The following ODAD4 variants were observed in gnomAD, a reference collection of about 807,000 sequenced individuals.
ODAD4 encodes the protein outer dynein arm-docking complex subunit 4.
In ODAD4, 49 loss-of-function variants were observed where a neutral mutation model predicts 51.8. That is an observed-to-expected ratio of 0.95 (90% confidence interval 0.75 to 1.20). ODAD4 has a LOEUF of 1.20. ODAD4 is among the 50% of genes most tolerant of loss of function. The pLI is 0.00. For missense variants in ODAD4, 590 were observed against 586.5 expected (o/e 1.01, Z -0.06); for synonymous variants, 235 against 221.3 (o/e 1.06, Z -0.55).
At chr17:41,934,842 T>C (rs1261528261) in intron 1 of ODAD4, among the ~76,000 whole-genome samples, 1 of 152,188 alleles carries the variant, frequency 6.6e-6, no homozygotes, top group Non-Finnish European at 1.5e-5. Context: ...TTGAGTTTGG[T>C]GTGCACAAAA....
At position 41,935,663 on chromosome 17, in the gene ODAD4, A is replaced by G. The variant is rs782453829; in HGVS notation, c.311A>G (p.Tyr104Cys). The change falls in exon 3 of 12, where the codon TAT becomes TGT. Residue 104 changes from tyrosine to cysteine, a missense_variant. By Grantham distance (194) the Tyr-to-Cys change is radical. This residue lies in a region of ODAD4 where 360 missense variants were observed against 407.5 expected (regional missense o/e 0.88). Transcript: ENST00000377540. ...MGDFEFALVF[Y>C]HRGYKLRPDR... ...GACTTTGAGTTTGCCTTGGTATTCT[A>G]TCATCGAGGCTACAAGCTGAGGCCT... The G allele has an allele frequency of 1.7e-5, 28 of 1,613,596 alleles. No homozygotes were observed. The South Asian group carries it at 2.3e-4, about 13-fold the overall frequency.
intron 7 of ODAD4, among the ~76,000 whole-genome samples, chr17:41,939,407 A>G (rs2050476290): frequency 6.6e-6 from 1 of 152,208 alleles, no homozygotes; most frequent in East Asian, 1.9e-4. Flanking sequence ...AAAGCTACCC[A>G]ATGATCTGGC....
intron 7 of ODAD4, among the ~76,000 whole-genome samples, chr17:41,941,219 C>G (rs893622094): frequency 1.3e-5 from 2 of 152,206 alleles, no homozygotes; most frequent in Non-Finnish European, 2.9e-5. Flanking sequence ...TTCAGCTGTC[C>G]TTTCTCTGAA....
chr17:41,943,466 T>A (rs1555638980), intron 7 of ODAD4, among the ~76,000 whole-genome samples: 10 of 152,184 alleles, frequency 6.6e-5, no homozygotes. Context: ...GGTGGGATTA[T>A]CATTAGTTCT....
intron 9 of ODAD4, among the ~76,000 whole-genome samples, chr17:41,952,836 T>C (rs1194686580): frequency 2.0e-5 from 3 of 151,970 alleles, no homozygotes; most frequent in African/African-American, 7.3e-5. Context: ...CCTCCCAGGC[T>C]CCGGTGATTC....
rs367854624 is a variant in ODAD4, at chr17:41,965,493, T to A, written c.*10T>A. The A allele has an allele frequency of 2.6e-6, 2 of 757,654 alleles. No homozygotes were observed. Among genetic ancestry groups the A allele is most frequent in the Non-Finnish European group, 4.9e-6 (2 of 411,692 alleles). 46.9% of individuals were successfully genotyped at this position (757,654 alleles called of 1,614,324 possible). A position where few individuals can be genotyped will look rare whatever the true frequency, so the allele number is the denominator to read the frequency against. ...AAAGGAATATGAATGAAGCCATCGGTAGAGATGAGGATCAGGAAGCTGGTG... is the reference window on the plus strand; with the variant it reads ...AAAGGAATATGAATGAAGCCATCGGAAGAGATGAGGATCAGGAAGCTGGTG... On this transcript the variant is annotated 3_prime_UTR_variant, in exon 12 of 12. Transcript: ENST00000377540.
chr17:41,938,945 G>T lies in ODAD4; in HGVS notation c.851-20G>T. On this transcript the variant is annotated intron_variant, in intron 6 of 11. Transcript: ENST00000377540. ...AGAGGAGGCTGCCCTGGCCTCCACA[G>T]CACCCCTTTCCTTTCTCAGTGCTCA... The T allele has an allele frequency of 6.2e-7, 1 of 1,603,094 alleles. No individual in the cohort carries two copies.
At chr17:41,942,838 G>A (rs1349002289) in intron 7 of ODAD4, among the ~76,000 whole-genome samples, 1 of 152,124 alleles carries the variant, frequency 6.6e-6, no homozygotes, top group Non-Finnish European at 1.5e-5. Flanking sequence ...CTGAGGCCCA[G>A]TGTTTTTGTG....
At position 41,965,900 on chromosome 17, in the gene ODAD4, G is replaced by A. The variant is rs1555642665; in HGVS notation, c.*417G>A. Among the ~76,000 whole-genome samples the A allele has an allele frequency of 6.6e-6, 1 of 152,148 alleles. No individual in the cohort carries two copies. The highest frequency in any genetic ancestry group is 1.5e-5 in the Non-Finnish European group (1 of 68,040). On this transcript the variant is annotated 3_prime_UTR_variant, in exon 12 of 12. Coordinates refer to ENST00000377540, the MANE Select transcript of ODAD4 (RefSeq NM_031421.5). The stretch of plus-strand genomic sequence containing the variant: ...GCTTTATGGATGGAACAGTGGTGGG[G>A]CGGCCCCAGCTGTCACAGGTAGGAG...
intron 8 of ODAD4, among the ~76,000 whole-genome samples, chr17:41,947,132 G>A (rs1307016950): frequency 2.7e-4 from 41 of 151,354 alleles, no homozygotes; most frequent in Non-Finnish European, 4.9e-4. Context: ...TTACAGGCAT[G>A]AGCCACTGTG....
intron 11 of ODAD4, among the ~76,000 whole-genome samples, chr17:41,964,249 C>T (rs868982397): frequency 6.6e-5 from 10 of 151,954 alleles, no homozygotes; most frequent in Middle Eastern, 6.8e-3. Context: ...TTAGTAGAGA[C>T]GGGGTTTCAC....
chr17:41,965,871 G>A lies in ODAD4; in HGVS notation c.*388G>A, dbSNP rs2050877903. ...GTCCCTCCAGTGCGCAGGACAGCGG[G>A]GAGGCTTTATGGATGGAACAGTGGT... On this transcript the variant is annotated 3_prime_UTR_variant, in exon 12 of 12. Transcript: ENST00000377540. 6.6e-6 allele frequency among the ~76,000 whole-genome samples: 1 copy of A among 152,188 alleles called. No individual in the cohort carries two copies. The highest frequency in any genetic ancestry group is 1.5e-5 in the Non-Finnish European group (1 of 68,040).
In ODAD4 at chr17:41,965,561, G is replaced by C; in HGVS notation, c.*78G>C. Reference sequence around the variant, plus strand: ...ATTTTATTAAACTGGATTTTCAAGCGATTTGTCTGTTATAGGAAAAATGAG... The same window carrying C: ...ATTTTATTAAACTGGATTTTCAAGCCATTTGTCTGTTATAGGAAAAATGAG... On this transcript the variant is annotated 3_prime_UTR_variant, in exon 12 of 12. Coordinates refer to ENST00000377540, the MANE Select transcript of ODAD4 (RefSeq NM_031421.5). 1 of 673,452 alleles carries C rather than the reference G, an allele frequency of 1.5e-6. No homozygotes were observed. Among genetic ancestry groups the C allele is most frequent in the Non-Finnish European group, 2.7e-6 (1 of 376,908 alleles). The allele number at this position is 673,452 out of a possible 1,614,324, so 41.7% of individuals were successfully genotyped here. A position where few individuals can be genotyped will look rare whatever the true frequency, so the allele number is the denominator to read the frequency against.
rs941298116 is a variant in ODAD4 at position 41,938,624 on chromosome 17, C to T, written c.693C>T (p.Tyr231=). ...VEDLIMTGIN[Y]LDTHSNFWRQ... ...ACCTCATCATGACGGGCATCAACTACCTGGATACTCACAGCAACTTCTGGA... is the reference window on the plus strand; with the variant it reads ...ACCTCATCATGACGGGCATCAACTATCTGGATACTCACAGCAACTTCTGGA... The change falls in exon 6 of 12, where the codon TAC becomes TAT. Residue 231 remains tyrosine (Y), a synonymous_variant. Coordinates refer to ENST00000377540, the MANE Select transcript of ODAD4 (RefSeq NM_031421.5). The T allele has an allele frequency of 6.2e-7, 1 of 1,613,980 alleles. No homozygotes were observed. The highest frequency in any genetic ancestry group is 8.5e-7 in the Non-Finnish European group (1 of 1,179,904).
intron 11 of ODAD4, among the ~76,000 whole-genome samples, chr17:41,962,680 T>A (rs1459630538): frequency 6.6e-6 from 1 of 152,236 alleles, no homozygotes; most frequent in Non-Finnish European, 1.5e-5. Context: ...GTTTTCAGTC[T>A]TGGGCAGTCT....
chr17:41,961,254 AG>A, intron 10 of ODAD4, 127 bp from the exon 11 acceptor site: 1 of 622,930 alleles, frequency 1.6e-6, no homozygotes, highest in African/African-American at 1.8e-5. Context: ...GGGTCATTGG[AG>A]GGGCCAGAGG....
At position 41,930,777 on chromosome 17, in the gene ODAD4, C is replaced by T. The variant is rs577698126; in HGVS notation, c.54C>T (p.Ala18=). Residue 18 remains alanine (A), a synonymous_variant, in exon 1 of 12, where the codon GCC becomes GCT. Coordinates refer to ENST00000377540, the MANE Select transcript of ODAD4 (RefSeq NM_031421.5). ...GAAGCACCTTTCCCTCTTATATGGC[C>T]GAAGGCGAGCGGCTCTACCTGTGCG... is the stretch of plus-strand genomic sequence containing the variant. ...TLRSTFPSYM[A]EGERLYLCGE... is the part of the protein sequence containing the mutation. The T allele has an allele frequency of 9.3e-5, 149 of 1,608,924 alleles. 2 individuals are homozygous for T. The East Asian group carries it at 3.3e-3, about 35-fold the overall frequency.
rs781915424 is a variant in ODAD4 at position 41,938,806 on chromosome 17, G to A, written c.850+25G>A. ...TGTAGGTGTTGTTCTCAGAGGGTGG[G>A]GCAGGTGCCTCCAGTGCCTTATCAG... is the stretch of plus-strand genomic sequence containing the variant. On this transcript the variant is annotated intron_variant, in intron 6 of 11. Transcript: ENST00000377540. 3 of 1,608,744 alleles carry A rather than the reference G, an allele frequency of 1.9e-6. No individual in the cohort carries two copies. In the South Asian group the frequency reaches 3.3e-5, roughly 18 times the overall value.
intron 10 of ODAD4, among the ~76,000 whole-genome samples, chr17:41,955,617 A>T (rs369580137): frequency 6.6e-6 from 1 of 151,914 alleles, no homozygotes; most frequent in Non-Finnish European, 1.5e-5. Flanking sequence ...TAGTAGAGAC[A>T]GGGTTTCACT....
Sources: allele counts gnomAD v4.1 joint callset (sites outside exome capture counted in the v4.1 genomes callset), GRCh38; gene constraint gnomAD v4.1.1; regional missense constraint gnomAD v4.1.1; transcripts MANE v1.5; gene names NCBI Gene and HGNC (gene_info 2026-07-23, HGNC 2026-07-21).